The following MTX2 variants were observed in gnomAD, a reference collection of about 807,000 sequenced individuals.
MTX2 encodes the protein metaxin-2.
A neutral mutation model predicts 42.3 loss-of-function variants in MTX2; 35 were observed. The ratio of observed to expected loss-of-function variants is 0.83; its 90% CI spans 0.63 to 1.10. MTX2 has a LOEUF of 1.10. Among genes scored for constraint, MTX2 ranks in the 50% least tolerant of loss-of-function variants. The pLI, the probability that MTX2 is intolerant of heterozygous loss-of-function variation, is 0.00. For missense variants in MTX2, 307 were observed against 304.1 expected (o/e 1.01, Z -0.07); for synonymous variants, 119 against 100.9 (o/e 1.18, Z -1.08).
At chr2:176,299,102 T>G (rs1009099471) in intron 3 of MTX2, among the ~76,000 whole-genome samples, 1 of 152,070 alleles carries the variant, frequency 6.6e-6, no homozygotes, top group African/African-American at 2.4e-5. Context: ...TCTTTAGTAC[T>G]CCCCCTACCA....
chr2:176,272,937 T>G lies in MTX2; in HGVS notation c.40+3268T>G, dbSNP rs1025516762. 8.5e-5 allele frequency among the ~76,000 whole-genome samples: 13 copies of G among 152,168 alleles called. No individual in the cohort carries two copies. In the East Asian group the frequency reaches 2.5e-3, roughly 29 times the overall value. On this transcript the variant is annotated intron_variant, in intron 1 of 9. Transcript: ENST00000249442. Reference sequence around the variant, plus strand: ...GAGGCTGCCTTAATCTGTTTTGTGTTGCTATAACAGAATACCACAGACTAG... The same window carrying G: ...GAGGCTGCCTTAATCTGTTTTGTGTGGCTATAACAGAATACCACAGACTAG...
At chr2:176,320,075 T>C (rs1684541629) in intron 3 of MTX2, among the ~76,000 whole-genome samples, 1 of 152,100 alleles carries the variant, frequency 6.6e-6, no homozygotes, top group South Asian at 2.1e-4. Flanking sequence ...ATGCTATCAG[T>C]TGAGGTCTGT....
chr2:176,290,445 T>A (rs1001647604), intron 1 of MTX2, among the ~76,000 whole-genome samples: 2 of 152,164 alleles, frequency 1.3e-5, no homozygotes, highest in Non-Finnish European at 2.9e-5. Flanking sequence ...TAAGTAGTTA[T>A]TTAATTAGAA....
At chr2:176,328,851 A>G (rs769451466) in intron 6 of MTX2, 23 bp from the exon 7 acceptor site, 2 of 1,600,562 alleles carry the variant, frequency 1.2e-6, no homozygotes, top group African/African-American at 1.3e-5. Context: ...TCTAAAGTTT[A>G]GTGACTGTTC....
intron 3 of MTX2, among the ~76,000 whole-genome samples, chr2:176,307,832 TATC>T (rs1684190691): frequency 6.6e-6 from 1 of 152,188 alleles, no homozygotes; most frequent in Admixed American, 6.5e-5. Context: ...TATACAATCA[TATC>T]ATCTGCAAAC....
At chr2:176,311,527 G>GTA (rs1377202252) in intron 3 of MTX2, among the ~76,000 whole-genome samples, 3 of 152,212 alleles carry the variant, frequency 2.0e-5, no homozygotes, top group Non-Finnish European at 4.4e-5. Flanking sequence ...CGTAGAGGCA[G>GTA]TAGGCCTTGT....
rs1297378066 is a variant in MTX2, at chr2:176,328,383, G to T, written c.376G>T (p.Glu126Ter). Residue 126 changes from glutamate to a stop codon, truncating the protein, a stop_gained and splice_region_variant, in exon 6 of 10, where the codon GAG becomes TAG. Transcript: ENST00000249442. LOFTEE classifies it high-confidence loss of function. Reference protein sequence around the residue: ...ELVNNMLLTAELYLQWCDEAT... With the variant: ...ELVNNMLLTA ...AGTCAACAATATGCTGTTGACTGCA[G>T]AGGTAAAATACTAGATGATACGGCT... 6.5e-7 allele frequency: 1 copy of T among 1,547,170 alleles called. No individual in the cohort carries two copies. Among genetic ancestry groups the T allele is most frequent in the African/African-American group, 1.4e-5 (1 of 71,594 alleles).
intron 3 of MTX2, among the ~76,000 whole-genome samples, chr2:176,308,102 G>A (rs1029103742): frequency 3.3e-5 from 5 of 152,030 alleles, no homozygotes; most frequent in African/African-American, 1.2e-4. Context: ...AGAGTTTTTA[G>A]CATGAAGCAC....
chr2:176,337,684 G>T lies in MTX2; in HGVS notation c.*20G>T, dbSNP rs758445008. 10 of 1,524,258 alleles carry T rather than the reference G, an allele frequency of 6.6e-6. No individual in the cohort carries two copies. Among genetic ancestry groups the T allele is most frequent in the Non-Finnish European group, 8.8e-6 (10 of 1,132,982 alleles). 94.4% of individuals were successfully genotyped at this position (1,524,258 alleles called of 1,614,324 possible). A position where few individuals can be genotyped will look rare whatever the true frequency, so the allele number is the denominator to read the frequency against. The stretch of plus-strand genomic sequence containing the variant: ...TCATAGAGTTATGTGTTAGTCTCAG[G>T]AGTCTTAACTTTTGAAATATGTTTT... On this transcript the variant is annotated 3_prime_UTR_variant, in exon 10 of 10. Transcript: ENST00000249442.
intron 5 of MTX2, among the ~76,000 whole-genome samples, 161 bp from the exon 6 acceptor site, chr2:176,328,129 TAGC>T (rs1045639813): frequency 5.3e-5 from 8 of 151,268 alleles, no homozygotes; most frequent in African/African-American, 1.9e-4. Flanking sequence ...TTTGTAGTGA[TAGC>T]AGAGTATTAT....
chr2:176,303,657 AAAAC>A (rs1420900996), intron 3 of MTX2, among the ~76,000 whole-genome samples: 2 of 152,118 alleles, frequency 1.3e-5, no homozygotes, highest in Non-Finnish European at 2.9e-5. Context: ...AGCAGATTAA[AAAAC>A]AAATCTCAAT....
chr2:176,313,214 A>G (rs1684357505), intron 3 of MTX2, among the ~76,000 whole-genome samples: 1 of 151,980 alleles, frequency 6.6e-6, no homozygotes, highest in African/African-American at 2.4e-5. Context: ...CAGATAGTGT[A>G]TAAAATGTTT....
chr2:176,300,693 TG>T (rs1374621093), intron 3 of MTX2, among the ~76,000 whole-genome samples: 1 of 152,134 alleles, frequency 6.6e-6, no homozygotes, highest in Non-Finnish European at 1.5e-5. Flanking sequence ...AGATTCCAAT[TG>T]GTATCTGTTT....
At chr2:176,282,126 G>GT (rs71004264) in intron 1 of MTX2, among the ~76,000 whole-genome samples, 6,265 of 26,264 alleles carry the variant, frequency 0.24, 2,356 homozygotes, top group Non-Finnish European at 0.28. Context: ...AGTTACAGTA[G>GT]TTTTTTTTTT....
chr2:176,291,135 A>G (rs1215608414), intron 1 of MTX2, among the ~76,000 whole-genome samples: 2 of 152,198 alleles, frequency 1.3e-5, no homozygotes, highest in African/African-American at 2.4e-5. Context: ...ATTATAAAAC[A>G]TACACTAAAA....
At chr2:176,286,909 G>C (rs1052588105) in intron 1 of MTX2, among the ~76,000 whole-genome samples, 1 of 152,150 alleles carries the variant, frequency 6.6e-6, no homozygotes, top group African/African-American at 2.4e-5. Context: ...GGTTGCTGGA[G>C]ATAGTTATTT....
intron 3 of MTX2, among the ~76,000 whole-genome samples, chr2:176,318,224 T>TC (rs1171944569): frequency 4.6e-5 from 7 of 152,288 alleles, no homozygotes; most frequent in African/African-American, 1.7e-4. Flanking sequence ...TTTAACCAGT[T>TC]ATTGATGATC....
At chr2:176,310,243 T>C (rs1425536467) in intron 3 of MTX2, among the ~76,000 whole-genome samples, 4 of 143,980 alleles carry the variant, frequency 2.8e-5, no homozygotes, top group Non-Finnish European at 6.1e-5. Flanking sequence ...CCCCAGTCTC[T>C]TCTGGTTTGT....
intron 4 of MTX2, 42 bp from the exon 5 acceptor site, chr2:176,326,783 A>T: frequency 8.2e-7 from 1 of 1,218,482 alleles, no homozygotes; most frequent in Non-Finnish European, 1.2e-6. Context: ...ACTTTAACAT[A>T]CTGGAAGTAT....
Sources: allele counts gnomAD v4.1 joint callset (sites outside exome capture counted in the v4.1 genomes callset), GRCh38; gene constraint gnomAD v4.1.1; transcripts MANE v1.5; gene names NCBI Gene and HGNC (gene_info 2026-07-23, HGNC 2026-07-21).